The following ADORA1 variants were observed in gnomAD, a reference collection of about 807,000 sequenced individuals.
The protein encoded by ADORA1 is adenosine A1 receptor.
In ADORA1, 6 loss-of-function variants were observed where a neutral mutation model predicts 19.9. That is an observed-to-expected ratio of 0.30 (90% confidence interval 0.17 to 0.59). The LOEUF (loss-of-function observed/expected upper bound fraction) is 0.59, where lower values mean the gene tolerates loss of function less well. Ranked by LOEUF, ADORA1 falls within the 20% of genes least tolerant of loss-of-function variation. The pLI, the probability that ADORA1 is intolerant of heterozygous loss-of-function variation, is 0.87. For synonymous variants in ADORA1, 194 were observed against 188.4 expected (o/e 1.03, Z -0.24); for missense variants, 302 against 439.2 (o/e 0.69, Z 2.79).
intron 3 of ADORA1, among the ~76,000 whole-genome samples, chr1:203,147,259 T>A (rs1347220685): frequency 6.6e-6 from 1 of 152,104 alleles, no homozygotes; most frequent in East Asian, 1.9e-4. Context: ...CTGCTATCAT[T>A]TTGCTGAGGC....
intron 3 of ADORA1, among the ~76,000 whole-genome samples, chr1:203,146,892 TCCACAGA>T (rs1309713720): frequency 6.6e-6 from 1 of 152,110 alleles, no homozygotes; most frequent in African/African-American, 2.4e-5. Context: ...TCCCACATGG[TCCACAGA>T]GGTGAGAATG....
intron 3 of ADORA1, among the ~76,000 whole-genome samples, chr1:203,163,095 A>C (rs1404502677): frequency 9.2e-5 from 14 of 152,214 alleles, no homozygotes; most frequent in Admixed American, 8.5e-4. Flanking sequence ...GAACACATTG[A>C]GATGGTCAGG....
chr1:203,139,745 C>T (rs887199869), intron 3 of ADORA1, among the ~76,000 whole-genome samples: 13 of 152,166 alleles, frequency 8.5e-5, no homozygotes, highest in East Asian at 1.9e-4. Context: ...TAGCAGGGAG[C>T]GAGAGCCCAT....
intron 3 of ADORA1, among the ~76,000 whole-genome samples, chr1:203,141,812 G>A (rs1353422594): frequency 2.2e-4 from 34 of 151,970 alleles, no homozygotes. Context: ...CGAACTCCTG[G>A]CCTCAAGCGA....
At chr1:203,149,434 A>T (rs1654962766) in intron 3 of ADORA1, among the ~76,000 whole-genome samples, 1 of 152,190 alleles carries the variant, frequency 6.6e-6, no homozygotes, top group South Asian at 2.1e-4. Flanking sequence ...CCAGCAGCTA[A>T]CATGCTGCTC....
chr1:203,162,714 G>A (rs1655409853), intron 3 of ADORA1, among the ~76,000 whole-genome samples: 1 of 152,174 alleles, frequency 6.6e-6, no homozygotes, highest in African/African-American at 2.4e-5. Context: ...TTGGAGTCAG[G>A]AGACCCAGGC....
chr1:203,163,366 T>C (rs1035708900), intron 3 of ADORA1, among the ~76,000 whole-genome samples: 14 of 152,302 alleles, frequency 9.2e-5, no homozygotes, highest in African/African-American at 2.6e-4. Context: ...GTTTGGGTCT[T>C]CTCACTCCCA....
intron 3 of ADORA1, among the ~76,000 whole-genome samples, chr1:203,141,757 ATT>A (rs760850246): frequency 9.2e-5 from 14 of 151,406 alleles, no homozygotes; most frequent in Non-Finnish European, 2.1e-4. Context: ...ATTCTTTTCT[ATT>A]TTTAGTAGAG....
intron 3 of ADORA1, among the ~76,000 whole-genome samples, chr1:203,139,065 C>T (rs983970407): frequency 2.0e-5 from 3 of 152,124 alleles, no homozygotes; most frequent in Non-Finnish European, 4.4e-5. Flanking sequence ...GTGATCTGCC[C>T]GCCTCGGCCT....
At chr1:203,153,158 G>T (rs1475536798) in intron 3 of ADORA1, among the ~76,000 whole-genome samples, 1 of 152,170 alleles carries the variant, frequency 6.6e-6, no homozygotes, top group Non-Finnish European at 1.5e-5. Context: ...TGTCAGTCAT[G>T]CATGAAACCT....
Position 203,128,554 on chromosome 1 carries a change from C to G in ADORA1, c.-58+122C>G. The G allele has an allele frequency of 1.1e-6, 1 of 885,760 alleles. No individual in the cohort carries two copies. Among genetic ancestry groups the G allele is most frequent in the Non-Finnish European group, 1.6e-6 (1 of 621,496 alleles). 54.9% of individuals were successfully genotyped at this position (885,760 alleles called of 1,614,324 possible). On this transcript the variant is annotated intron_variant, in intron 2 of 3. Transcript: ENST00000337894. The surrounding 1 kb of genome is among the most constrained non-coding windows in gnomAD (Gnocchi z 5.9). ...AGCTGCCTCACACCTGATAAAAAAG[C>G]CAGTGGAGGAGTGAGCGCTGCTATT...
chr1:203,141,150 G>GTGGGATGGGGGAGCCCCAGGGC (rs143359688), intron 3 of ADORA1, among the ~76,000 whole-genome samples: 52,708 of 151,862 alleles, frequency 0.35, 11,359 homozygotes, highest in Non-Finnish European at 0.48. Flanking sequence ...GGCAGAGCAG[G>GTGGGATGGGGGAGCCCCAGGGC]TGGGATGGGG....
chr1:203,133,361 C>T (rs1034966588), intron 3 of ADORA1, among the ~76,000 whole-genome samples: 6 of 152,140 alleles, frequency 3.9e-5, no homozygotes, highest in African/African-American at 1.4e-4. Flanking sequence ...GTGAGCCACC[C>T]GCCTTGGCTT....
Position 203,165,186 on chromosome 1 carries a change from G to C in ADORA1, c.342-75G>C. On this transcript the variant is annotated intron_variant, in intron 3 of 3. Coordinates refer to ENST00000337894, the MANE Select transcript of ADORA1 (RefSeq NM_000674.3). This position sits in a 1 kb window ranked among gnomAD's most constrained non-coding sequence, Gnocchi z 5.9. Reference sequence around the variant, plus strand: ...GTGCTCCTCTTAGAGGCCCCTGGAGGCCAGGCGTGCCTCAGAGGGGCCTTT... The same window carrying C: ...GTGCTCCTCTTAGAGGCCCCTGGAGCCCAGGCGTGCCTCAGAGGGGCCTTT... The C allele has an allele frequency of 6.2e-7, 1 of 1,600,536 alleles. No homozygotes were observed. Among genetic ancestry groups the C allele is most frequent in the East Asian group, 2.2e-5 (1 of 44,482 alleles).
At chr1:203,149,266 C>A (rs3766560) in intron 3 of ADORA1, among the ~76,000 whole-genome samples, 1 of 152,078 alleles carries the variant, frequency 6.6e-6, no homozygotes, top group South Asian at 2.1e-4. Flanking sequence ...TGATAAGCTT[C>A]TTCCTCCCCC....
Position 203,128,450 on chromosome 1 carries a change from T to A in ADORA1, c.-58+18T>A. 3 of 1,291,568 alleles carry A rather than the reference T, an allele frequency of 2.3e-6. No homozygotes were observed. The highest frequency in any genetic ancestry group is 3.0e-6 in the Non-Finnish European group (3 of 989,614). The allele number at this position is 1,291,568 out of a possible 1,614,324, so 80.0% of individuals were successfully genotyped here. A position where few individuals can be genotyped will look rare whatever the true frequency, so the allele number is the denominator to read the frequency against. ...GCAGGATGGTGAGCTCCCTGCATCC[T>A]GTTCTGTGCACAGGGGTGGGCAGAG... On this transcript the variant is annotated intron_variant, in intron 2 of 3. Coordinates refer to ENST00000337894, the MANE Select transcript of ADORA1 (RefSeq NM_000674.3). This position sits in a 1 kb window ranked among gnomAD's most constrained non-coding sequence, Gnocchi z 5.9.
intron 3 of ADORA1, among the ~76,000 whole-genome samples, chr1:203,131,865 A>C (rs941498675): frequency 2.0e-5 from 3 of 152,178 alleles, no homozygotes; most frequent in Admixed American, 6.5e-5. Context: ...AGAGGTCCCC[A>C]GGCACCAGGC....
intron 3 of ADORA1, among the ~76,000 whole-genome samples, chr1:203,161,974 G>T (rs906511513): frequency 6.6e-6 from 1 of 152,182 alleles, no homozygotes; most frequent in Non-Finnish European, 1.5e-5. Context: ...TCCCATTTGT[G>T]CCTGCCTGAG....
intron 3 of ADORA1, chr1:203,150,878 T>G: frequency 1.7e-6 from 2 of 1,168,410 alleles, no homozygotes; most frequent in Non-Finnish European, 2.2e-6. Context: ...TAGGGGGCCC[T>G]GACAGCCCAA....
Sources: allele counts gnomAD v4.1 joint callset (sites outside exome capture counted in the v4.1 genomes callset), GRCh38; gene constraint gnomAD v4.1.1; non-coding constraint Gnocchi (gnomAD v3.1); transcripts MANE v1.5; gene names NCBI Gene and HGNC (gene_info 2026-07-23, HGNC 2026-07-21).